The following MMP16 variants were observed in gnomAD, a reference collection of about 807,000 sequenced individuals.
MMP16 encodes the protein matrix metallopeptidase 16.
Under a neutral mutation model 67.8 loss-of-function variants are expected in MMP16, and 12 were observed. The ratio of observed to expected loss-of-function variants is 0.18; its 90% CI spans 0.11 to 0.29. The LOEUF (loss-of-function observed/expected upper bound fraction) is 0.29, where lower values mean the gene tolerates loss of function less well. Among genes scored for constraint, MMP16 ranks in the 10% least tolerant of loss-of-function variants. The pLI is 1.00. For synonymous variants in MMP16, 249 were observed against 255.9 expected, an observed-to-expected ratio of 0.97 and a Z score of 0.26; for missense variants, 475 against 765.7, an observed-to-expected ratio of 0.62 and a Z score of 4.48.
At chr8:88,262,951 G>A (rs1350162051) in intron 1 of MMP16, among the ~76,000 whole-genome samples, 1 of 150,844 alleles carries the variant, frequency 6.6e-6, no homozygotes, top group Non-Finnish European at 1.5e-5. Flanking sequence ...CGTGAACCCA[G>A]GAGGTGGAGC....
chr8:88,163,536 A>G (rs962654296), intron 4 of MMP16, among the ~76,000 whole-genome samples: 1 of 152,048 alleles, frequency 6.6e-6, no homozygotes, highest in Non-Finnish European at 1.5e-5. Flanking sequence ...ATACCTCTAG[A>G]TATTATTCTG....
chr8:88,281,582 C>G (rs1275384686), intron 1 of MMP16, among the ~76,000 whole-genome samples: 2 of 152,190 alleles, frequency 1.3e-5, no homozygotes, highest in African/African-American at 4.8e-5. Context: ...TCTTTCCAGT[C>G]AGCAAGCTCT....
intron 3 of MMP16, among the ~76,000 whole-genome samples, chr8:88,181,615 T>C (rs1808981958): frequency 6.6e-6 from 1 of 151,568 alleles, no homozygotes; most frequent in African/African-American, 2.4e-5. Flanking sequence ...AGATGAACTA[T>C]AGATACAATG....
At chr8:88,269,267 G>T (rs1186240948) in intron 1 of MMP16, among the ~76,000 whole-genome samples, 1 of 151,980 alleles carries the variant, frequency 6.6e-6, no homozygotes, top group African/African-American at 2.4e-5. Flanking sequence ...ATGTAAACCG[G>T]AGCACCATTT....
intron 3 of MMP16, among the ~76,000 whole-genome samples, chr8:88,176,526 G>A (rs77794986): frequency 0.017 from 2,629 of 152,200 alleles, 81 homozygotes; most frequent in African/African-American, 0.058. Flanking sequence ...GCTGTCTAAC[G>A]TTTACAGCTC....
At chr8:88,075,808 T>G (rs1808639037) in intron 6 of MMP16, among the ~76,000 whole-genome samples, 1 of 152,094 alleles carries the variant, frequency 6.6e-6, no homozygotes. Context: ...TTCTCTGCTT[T>G]CTTTCTTGCT....
At chr8:88,108,543 G>A (rs535937251) in intron 6 of MMP16, among the ~76,000 whole-genome samples, 1 of 151,336 alleles carries the variant, frequency 6.6e-6, no homozygotes, top group South Asian at 2.1e-4. Context: ...ATCTGGAGGT[G>A]CAGCATCCAT....
chr8:88,310,524 T>C (rs1811278403), intron 1 of MMP16, among the ~76,000 whole-genome samples: 1 of 152,062 alleles, frequency 6.6e-6, no homozygotes, highest in African/African-American at 2.4e-5. Context: ...CATTAGAAAC[T>C]AAAACCCATG....
intron 9 of MMP16, among the ~76,000 whole-genome samples, chr8:88,044,212 G>A (rs1432236601): frequency 2.6e-5 from 4 of 152,264 alleles, no homozygotes; most frequent in East Asian, 1.9e-4. Flanking sequence ...TTGGGAGGCC[G>A]AGGCAAGAGG....
At chr8:88,053,704 GAATA>G (rs1188574316) in intron 8 of MMP16, among the ~76,000 whole-genome samples, 1 of 152,038 alleles carries the variant, frequency 6.6e-6, no homozygotes, top group Non-Finnish European at 1.5e-5. Context: ...TTTAAATCTA[GAATA>G]AATATATTGA....
chr8:88,322,641 C>A (rs1405671599), intron 1 of MMP16, among the ~76,000 whole-genome samples: 2 of 148,276 alleles, frequency 1.3e-5, no homozygotes, highest in Non-Finnish European at 1.5e-5. Context: ...CCAGCCTGGA[C>A]AACATAGTGA....
intron 6 of MMP16, among the ~76,000 whole-genome samples, chr8:88,104,583 G>C (rs1809203620): frequency 6.6e-6 from 1 of 151,348 alleles, no homozygotes; most frequent in Admixed American, 6.6e-5. Flanking sequence ...TAAAATTATA[G>C]CACATACAAT....
At position 88,327,340 on chromosome 8, in the gene MMP16, G is replaced by A; in HGVS notation, c.-134C>T. 8.4e-7 allele frequency: 1 copy of A among 1,194,938 alleles called. No individual in the cohort carries two copies. Among genetic ancestry groups the A allele is most frequent in the Non-Finnish European group, 1.2e-6 (1 of 850,566 alleles). 74.0% of individuals were successfully genotyped at this position (1,194,938 alleles called of 1,614,324 possible). Reference sequence around the variant, plus strand: ...GAGCCTGCAGGTTCACCCACAGCCGGGCAAGGGGAGGAGACAGGGGCCCCG... The same window carrying A: ...GAGCCTGCAGGTTCACCCACAGCCGAGCAAGGGGAGGAGACAGGGGCCCCG... On this transcript the variant is annotated 5_prime_UTR_variant, in exon 1 of 10. Transcript: ENST00000286614.
At chr8:88,066,237 T>C (rs1204450465) in intron 7 of MMP16, among the ~76,000 whole-genome samples, 1 of 152,116 alleles carries the variant, frequency 6.6e-6, no homozygotes, top group Non-Finnish European at 1.5e-5. Flanking sequence ...TTTGATACTA[T>C]TATCTCATAA....
intron 4 of MMP16, among the ~76,000 whole-genome samples, chr8:88,129,782 AT>A (rs1190453258): frequency 1.1e-4 from 16 of 151,614 alleles, no homozygotes; most frequent in East Asian, 1.9e-4. Context: ...ATAATGATGT[AT>A]TTTTTAGAGT....
chr8:88,241,385 T>C (rs1377054161), intron 1 of MMP16, among the ~76,000 whole-genome samples: 1 of 152,146 alleles, frequency 6.6e-6, no homozygotes, highest in East Asian at 1.9e-4. Context: ...GGAAGTTTTT[T>C]ACATGGTGAA....
intron 6 of MMP16, among the ~76,000 whole-genome samples, chr8:88,112,666 G>GGTGTGTGTGTGTGTGTGTGTGTGTGTGT (rs6150692): frequency 9.5e-5 from 14 of 146,898 alleles, no homozygotes; most frequent in South Asian, 4.3e-4. Flanking sequence ...AGGACAGAAG[G>GGTGTGTGTGTGTGTGTGTGTGTGTGTGT]GTGTGTGTGT....
intron 3 of MMP16, among the ~76,000 whole-genome samples, chr8:88,183,778 C>A (rs996441227): frequency 1.3e-4 from 17 of 134,404 alleles, no homozygotes; most frequent in African/African-American, 4.1e-4. Flanking sequence ...TGCAATGGCG[C>A]GATCTCGGCT....
intron 1 of MMP16, among the ~76,000 whole-genome samples, chr8:88,280,706 C>T (rs543459139): frequency 1.3e-5 from 2 of 152,204 alleles, no homozygotes; most frequent in Non-Finnish European, 1.5e-5. Flanking sequence ...GCATGGGCAA[C>T]ATGCCTCCAC....
Sources: gnomAD v4.1 joint callset for allele counts (sites outside exome capture counted in the v4.1 genomes callset) on GRCh38, gnomAD v4.1.1 for gene constraint, MANE v1.5 for transcripts, NCBI Gene and HGNC (gene_info 2026-07-23, HGNC 2026-07-21) for gene names.